The following APC variants were observed in gnomAD, a reference collection of about 807,000 sequenced individuals.
The protein encoded by APC is APC regulator of Wnt signaling pathway.
In APC, 72 loss-of-function variants were observed where a neutral mutation model predicts 247.0. The ratio of observed to expected loss-of-function variants is 0.29; its 90% CI spans 0.24 to 0.35. APC has a LOEUF of 0.35. Ranked by LOEUF, APC falls within the 10% of genes least tolerant of loss-of-function variation. The pLI is 1.00. For missense variants in APC, 3,400 were observed against 3,360.7 expected (o/e 1.01, Z -0.29); for synonymous variants, 1,254 against 1,162.5 (o/e 1.08, Z -1.60).
At position 112,846,199 on chromosome 5, in the gene APC, G is replaced by A. The variant is rs1766983367; in HGVS notation, c.*2073G>A. 1 of 230,856 alleles carries A rather than the reference G, an allele frequency of 4.3e-6. No homozygotes were observed. The highest frequency in any genetic ancestry group is 5.7e-5 in the Admixed American group (1 of 17,680). The allele number at this position is 230,856 out of a possible 1,614,324, so 14.3% of individuals were successfully genotyped here. A position where few individuals can be genotyped will look rare whatever the true frequency, so the allele number is the denominator to read the frequency against. On this transcript the variant is annotated 3_prime_UTR_variant, in exon 16 of 16. Coordinates refer to ENST00000257430, the MANE Select transcript of APC (RefSeq NM_000038.6). ...TTGTCTATGAATACCATCTACTTCT[G>A]TTGTTTTCCCAGGCTTCCATAAACA...
At chr5:112,709,217 A>AT (rs1225827863) in intron 1 of APC, among the ~76,000 whole-genome samples, 5 of 152,220 alleles carry the variant, frequency 3.3e-5, no homozygotes, top group Non-Finnish European at 4.4e-5. Context: ...TATGTTAAAA[A>AT]TTTTTAACGT....
At chr5:112,832,259 GT>G (rs1764375231) in intron 14 of APC, among the ~76,000 whole-genome samples, 1 of 152,124 alleles carries the variant, frequency 6.6e-6, no homozygotes, top group Non-Finnish European at 1.5e-5. Flanking sequence ...CTCTGGGCCA[GT>G]TGCATCTTAA....
Position 112,841,816 on chromosome 5 carries a change from A to G in APC, c.6222A>G (p.Glu2074=), listed in dbSNP as rs1284434276. The change falls in exon 16 of 16, where the codon GAA becomes GAG. Residue 2074 remains glutamate (E), a synonymous_variant. Transcript: ENST00000257430. This position sits in a 1 kb window ranked among gnomAD's most constrained non-coding sequence, Gnocchi z 4.6. The part of the protein sequence containing the change: ...SPRNMGGILG[E]DLTLDLKDIQ... ...GAAATATGGGTGGCATATTAGGTGA[A>G]GATCTGACACTTGATTTGAAAGATA... is the stretch of plus-strand genomic sequence containing the variant. The G allele has an allele frequency of 6.2e-7, 1 of 1,614,024 alleles. No individual in the cohort carries two copies. The highest frequency in any genetic ancestry group is 1.3e-5 in the African/African-American group (1 of 75,054).
Position 112,708,229 on chromosome 5 carries a change from C to T in APC, c.165+347C>T, listed in dbSNP as rs187219015. Among the ~76,000 whole-genome samples, 269 of 152,300 alleles carry T rather than the reference C, an allele frequency of 1.8e-3. 1 individual carries two copies. The highest frequency in any genetic ancestry group is 6.3e-3 in the African/African-American group (262 of 41,556). On this transcript the variant is annotated intron_variant, in intron 1 of 13. Coordinates refer to the APC transcript ENST00000507379. ...CTTCCCCATCTTCCTCGTTTGGACC[C>T]TCTTGCTTCCTCTAAAAGTTTTAAA...
Position 112,707,836 on chromosome 5 carries a change from G to T in APC, c.119G>T (p.Ser40Ile), listed in dbSNP as rs587778028. The stretch of plus-strand genomic sequence containing the variant: ...AGCTGCGTCCGGCAGGAGACGAAGA[G>T]CCCGGGCGGCGCTCGTACTTCTGGC... Residue 40 changes from serine (S) to isoleucine (I), a missense_variant, in exon 1 of 14, where the codon AGC becomes ATC. Physicochemically the swap from Ser to Ile is moderately radical, Grantham distance 142. Coordinates refer to the APC transcript ENST00000507379. 7.3e-7 allele frequency: 1 copy of T among 1,370,538 alleles called. No individual in the cohort carries two copies. The highest frequency in any genetic ancestry group is 9.6e-7 in the Non-Finnish European group (1 of 1,038,738). 84.9% of individuals were successfully genotyped at this position (1,370,538 alleles called of 1,614,324 possible).
In APC at chr5:112,726,530, G is replaced by C. The variant is rs191732214; in HGVS notation, c.165+18648G>C. Among the ~76,000 whole-genome samples, 300 of 152,240 alleles carry C rather than the reference G, an allele frequency of 2.0e-3. 2 individuals are homozygous for C. Among genetic ancestry groups the C allele is most frequent in the South Asian group, 3.9e-3 (19 of 4,818 alleles). ...GTCTCCTTGTGGAGCAGGGGGTTTG[G>C]GGTTTTTAATGGGCACAGGATAAGG... is the stretch of plus-strand genomic sequence containing the variant. On this transcript the variant is annotated intron_variant, in intron 1 of 13. Transcript: ENST00000507379.
intron 8 of APC, among the ~76,000 whole-genome samples, chr5:112,803,315 A>G (rs1761031949): frequency 6.6e-6 from 1 of 152,152 alleles, no homozygotes; most frequent in South Asian, 2.1e-4. Context: ...GTGATCAGAC[A>G]TGTTTGAAGA....
chr5:112,784,234 A>G (rs909657955), intron 6 of APC, among the ~76,000 whole-genome samples: 10 of 152,028 alleles, frequency 6.6e-5, no homozygotes, highest in Non-Finnish European at 1.5e-4. Context: ...CGCCCAGCTA[A>G]TTTTTGTATT....
At chr5:112,774,269 T>C (rs946992810) in intron 4 of APC, among the ~76,000 whole-genome samples, 1 of 152,040 alleles carries the variant, frequency 6.6e-6, no homozygotes, top group Non-Finnish European at 1.5e-5. Flanking sequence ...AATCTGGAAA[T>C]AGAAAATTCT....
chr5:112,835,572 ATT>A (rs11376379), intron 15 of APC, among the ~76,000 whole-genome samples: 174 of 132,932 alleles, frequency 1.3e-3, no homozygotes, highest in Admixed American at 2.5e-3. Context: ...CATAATAATA[ATT>A]TTTTTTTTTT....
rs1021733635 is a variant in APC at position 112,844,125 on chromosome 5, A to G, written c.8531A>G (p.Ter2844=). The G allele has an allele frequency of 6.2e-7, 1 of 1,608,570 alleles. No homozygotes were observed. The highest frequency in any genetic ancestry group is 1.3e-5 in the African/African-American group (1 of 74,830). The change falls in exon 16 of 16, where the codon TAA becomes TGA. Residue 2844 remains the stop codon, a stop_retained_variant. Coordinates refer to ENST00000257430, the MANE Select transcript of APC (RefSeq NM_000038.6). ...HSGSYLVTSV[*] is the part of the protein sequence containing the mutation. ...GGGTCTTACCTTGTGACATCTGTTT[A>G]AAAGAGAGGAAGAATGAAACTAAGA...
At chr5:112,767,166 A>C in intron 3 of APC, 23 bp from the exon 4 acceptor site, 1 of 1,584,920 alleles carries the variant, frequency 6.3e-7, no homozygotes, top group South Asian at 1.1e-5. Flanking sequence ...TGTTGTATAA[A>C]AACTTGTTTC....
intron 14 of APC, chr5:112,829,895 A>G (rs1019450364): frequency 3.9e-5 from 6 of 152,200 alleles, no homozygotes; most frequent in African/African-American, 1.4e-4. Flanking sequence ...ACAGAAGGAA[A>G]TATCTCCAGG....
At chr5:112,837,239 T>G (rs1765032463) in intron 15 of APC, among the ~76,000 whole-genome samples, 1 of 152,188 alleles carries the variant, frequency 6.6e-6, no homozygotes, top group Non-Finnish European at 1.5e-5. Context: ...GATATAGTTT[T>G]TAAATTGGGA....
intron 1 of APC, among the ~76,000 whole-genome samples, chr5:112,752,814 G>C (rs1158697315): frequency 6.6e-6 from 1 of 152,066 alleles, no homozygotes; most frequent in Admixed American, 6.6e-5. Flanking sequence ...CATAAAGTTA[G>C]ATTCTTTCTA....
chr5:112,709,830 G>A (rs1423538611), intron 1 of APC, among the ~76,000 whole-genome samples: 2 of 152,136 alleles, frequency 1.3e-5, no homozygotes, highest in African/African-American at 4.8e-5. Context: ...GTTGGAGCCC[G>A]GGATGTGGAG....
At chr5:112,809,859 T>C (rs1761805267) in intron 8 of APC, among the ~76,000 whole-genome samples, 1 of 152,100 alleles carries the variant, frequency 6.6e-6, no homozygotes, top group Admixed American at 6.5e-5. Context: ...TAGCTGGGCG[T>C]GGCAGCGCGT....
intron 1 of APC, among the ~76,000 whole-genome samples, chr5:112,753,316 G>A (rs373382043): frequency 2.6e-5 from 4 of 152,132 alleles, no homozygotes; most frequent in African/African-American, 9.6e-5. Context: ...ATCAGAGGAG[G>A]GGTCTTAACT....
intron 1 of APC, among the ~76,000 whole-genome samples, chr5:112,746,504 T>C (rs1319064591): frequency 6.6e-6 from 1 of 152,130 alleles, no homozygotes; most frequent in Non-Finnish European, 1.5e-5. Flanking sequence ...CGTAAAAGCA[T>C]AAAACATGAA....
Sources: gnomAD v4.1 joint callset for allele counts (sites outside exome capture counted in the v4.1 genomes callset) on GRCh38, gnomAD v4.1.1 for gene constraint, Gnocchi (gnomAD v3.1) non-coding constraint, MANE v1.5 for transcripts, NCBI Gene and HGNC (gene_info 2026-07-23, HGNC 2026-07-21) for gene names.